PCDHGB2: variants seen among roughly 807,000 people sequenced by gnomAD.
PCDHGB2 encodes protocadherin gamma-B2.
PCDHGB2 carries 55 observed loss-of-function variants against 59.3 expected under a neutral mutation model. The observed-to-expected ratio is 0.93, with a 90% confidence interval of 0.75 to 1.16. The LOEUF is 1.16. Among genes scored for constraint, PCDHGB2 ranks in the 50% most tolerant of loss-of-function variants. PCDHGB2 has a pLI of 0.00. For missense variants in PCDHGB2, 1,228 were observed against 1,198.5 expected, an observed-to-expected ratio of 1.02 and a Z score of -0.36; for synonymous variants, 516 against 512.0, an observed-to-expected ratio of 1.01 and a Z score of -0.11.
chr5:141,362,843 G>A (rs1762701976), intron 1 of PCDHGB2, among the ~76,000 whole-genome samples: 1 of 152,134 alleles, frequency 6.6e-6, no homozygotes, highest in Admixed American at 6.5e-5. Flanking sequence ...GAGACTTTAG[G>A]CAATTAGTTT....
chr5:141,450,991 A>AT (rs1351194705), intron 1 of PCDHGB2, among the ~76,000 whole-genome samples: 1 of 150,700 alleles, frequency 6.6e-6, no homozygotes. Context: ...CACCCGGCTA[A>AT]TTTTTTTGTA....
intron 1 of PCDHGB2, chr5:141,367,494 G>T (rs1765172708): frequency 6.6e-6 from 1 of 151,970 alleles, no homozygotes; most frequent in African/African-American, 2.4e-5. Context: ...CCGAGATCGC[G>T]CCACTGCACT....
At chr5:141,370,481 C>G (rs1766946658) in intron 1 of PCDHGB2, 2 of 1,613,770 alleles carry the variant, frequency 1.2e-6, no homozygotes, top group African/African-American at 2.7e-5. Flanking sequence ...ACCAGGCTCT[C>G]TCCGAACCGA....
Position 141,399,470 on chromosome 5 carries a change from T to C in PCDHGB2, c.2421+36914T>C, listed in dbSNP as rs773359741. 70 of 1,614,018 alleles carry C rather than the reference T, an allele frequency of 4.3e-5. No individual in the cohort carries two copies. The Middle Eastern group carries it at 4.9e-4, about 11-fold the overall frequency. On this transcript the variant is annotated intron_variant, in intron 1 of 3. Coordinates refer to ENST00000522605, the MANE Select transcript of PCDHGB2 (RefSeq NM_018923.3). ...GACGTCAACGATAACGCTCCGGTTT[T>C]CCACCAGGCGTCCTACTTAGTCAGT... is the stretch of plus-strand genomic sequence containing the variant.
chr5:141,361,527 C>G lies in PCDHGB2; in HGVS notation c.1392C>G (p.Asn464Lys). The change falls in exon 1 of 4, where the codon AAC becomes AAG. Residue 464 changes from asparagine to lysine, a missense_variant. Asn to Lys is a moderately conservative substitution (Grantham distance 94, BLOSUM62 0). Transcript: ENST00000522605. Reference sequence around the variant, plus strand: ...CCTACATGGTTCACGTGGCAGAGAACAATCCTCCTGGCGCCTCTATCGCTC... The same window carrying G: ...CCTACATGGTTCACGTGGCAGAGAAGAATCCTCCTGGCGCCTCTATCGCTC... ...QTSYMVHVAE[N>K]NPPGASIAQI... 1 of 1,614,060 alleles carries G rather than the reference C, an allele frequency of 6.2e-7. No individual in the cohort carries two copies. Among genetic ancestry groups the G allele is most frequent in the Non-Finnish European group, 8.5e-7 (1 of 1,179,900 alleles).
chr5:141,507,915 G>A (rs1324577269), intron 3 of PCDHGB2, among the ~76,000 whole-genome samples: 2 of 152,224 alleles, frequency 1.3e-5, no homozygotes, highest in African/African-American at 4.8e-5. Flanking sequence ...AGCCAGGCCT[G>A]TGGGGCTGCT....
rs771503687 is a variant in PCDHGB2 at position 141,383,368 on chromosome 5, G to T, written c.2421+20812G>T. 3 of 1,614,014 alleles carry T rather than the reference G, an allele frequency of 1.9e-6. No individual in the cohort carries two copies. In the East Asian group the frequency reaches 6.7e-5, roughly 36 times the overall value. ...TGGGGTTCGGTTTCCGTTAAGCGAG[G>T]CTGGGGATCCAGATGTGGGCACGAA... On this transcript the variant is annotated intron_variant, in intron 1 of 3. Coordinates refer to ENST00000522605, the MANE Select transcript of PCDHGB2 (RefSeq NM_018923.3).
intron 1 of PCDHGB2, chr5:141,377,857 T>C (rs1234593870): frequency 6.6e-6 from 1 of 152,172 alleles, no homozygotes. Context: ...AAAATTAAGA[T>C]TTAAAAGACT....
At chr5:141,422,936 C>A (rs1428873210) in intron 1 of PCDHGB2, 2 of 1,614,260 alleles carry the variant, frequency 1.2e-6, no homozygotes, top group East Asian at 4.5e-5. Flanking sequence ...GCCCTCCCCA[C>A]AGACGGCTCC....
chr5:141,491,493 G>A lies in PCDHGB2; in HGVS notation c.2422-3314G>A, dbSNP rs1008591563. On this transcript the variant is annotated intron_variant, in intron 1 of 3. Transcript: ENST00000522605. This position sits in a 1 kb window ranked among gnomAD's most constrained non-coding sequence, Gnocchi z 6.9. ...AGCAGTCCAGCCCCAACCTGCAGGT[G>A]AGCTCGGACGGCACGCTCAAGTACA... 6.2e-7 allele frequency: 1 copy of A among 1,614,000 alleles called. No homozygotes were observed. Among genetic ancestry groups the A allele is most frequent in the African/African-American group, 1.3e-5 (1 of 74,928 alleles).
intron 1 of PCDHGB2, chr5:141,389,156 T>C (rs2091626888): frequency 6.2e-7 from 1 of 1,613,950 alleles, no homozygotes; most frequent in Non-Finnish European, 8.5e-7. Flanking sequence ...CGGCAACAGA[T>C]CGGGGCAAGC....
chr5:141,390,386 A>C, intron 1 of PCDHGB2: 2 of 1,432,848 alleles, frequency 1.4e-6, no homozygotes, highest in Non-Finnish European at 1.9e-6. Context: ...TTTAGATGTC[A>C]TGGATCATTT....
intron 1 of PCDHGB2, among the ~76,000 whole-genome samples, chr5:141,450,829 A>AT (rs373424450): frequency 7.2e-4 from 97 of 135,128 alleles, no homozygotes; most frequent in East Asian, 1.8e-3. Flanking sequence ...TATTATTATT[A>AT]TTTTTTTTTT....
At chr5:141,381,370 G>A (rs562934988) in intron 1 of PCDHGB2, among the ~76,000 whole-genome samples, 1 of 152,320 alleles carries the variant, frequency 6.6e-6, no homozygotes, top group East Asian at 1.9e-4. Context: ...GGTAGCCTCG[G>A]ATCCATCAAT....
At chr5:141,399,763 G>A (rs753865606) in intron 1 of PCDHGB2, 8 of 1,613,378 alleles carry the variant, frequency 5.0e-6, no homozygotes, top group Admixed American at 1.7e-5. Context: ...GAGCCTGCGC[G>A]TGTTGGTGGG....
Position 141,387,188 on chromosome 5 carries a change from A to AT in PCDHGB2, c.2421+24636dup, listed in dbSNP as rs756053244. On this transcript the variant is annotated intron_variant, in intron 1 of 3. Transcript: ENST00000522605. ...TATAAATTGCACCTTCTAAAAGGCA[A>AT]TTTTGGTATTACTGATACTCTCCGG... is the stretch of plus-strand genomic sequence containing the variant. Among the ~76,000 whole-genome samples the AT allele has an allele frequency of 1.8e-3, 273 of 152,232 alleles. 6 individuals carry two copies. Among genetic ancestry groups the AT allele is most frequent in the Non-Finnish European group, 6.8e-4 (46 of 68,046 alleles).
At chr5:141,365,275 C>T in intron 1 of PCDHGB2, 1 of 1,613,980 alleles carries the variant, frequency 6.2e-7, no homozygotes, top group Non-Finnish European at 8.5e-7. Flanking sequence ...CCAGATTCTA[C>T]CTCATGGAAG....
chr5:141,435,454 T>C (rs1407615505), intron 1 of PCDHGB2, among the ~76,000 whole-genome samples: 1 of 152,220 alleles, frequency 6.6e-6, no homozygotes, highest in Non-Finnish European at 1.5e-5. Flanking sequence ...ACGATATCTG[T>C]ATGTGTTTCC....
intron 1 of PCDHGB2, chr5:141,375,377 C>CT: frequency 1.2e-6 from 2 of 1,613,940 alleles, no homozygotes; most frequent in South Asian, 2.2e-5. Context: ...AACACCACCT[C>CT]TGTCTACAGA....
Sources: allele counts gnomAD v4.1 joint callset (sites outside exome capture counted in the v4.1 genomes callset), GRCh38; gene constraint gnomAD v4.1.1; non-coding constraint Gnocchi (gnomAD v3.1); transcripts MANE v1.5; gene names NCBI Gene and HGNC (gene_info 2026-07-23, HGNC 2026-07-21).